ARHGEF3: variants seen among roughly 807,000 people sequenced by gnomAD.
ARHGEF3 encodes 59.8 kDA protein.
A neutral mutation model predicts 63.2 loss-of-function variants in ARHGEF3; 28 were observed. The ratio of observed to expected loss-of-function variants is 0.44; its 90% CI spans 0.33 to 0.61. ARHGEF3 has a LOEUF of 0.61. Ranked by LOEUF, ARHGEF3 falls within the 20% of genes least tolerant of loss-of-function variation. ARHGEF3 has a pLI of 0.03. For missense variants in ARHGEF3, 533 were observed against 659.3 expected (o/e 0.81, Z 2.10); for synonymous variants, 266 against 254.2 (o/e 1.05, Z -0.44).
At position 56,791,387 on chromosome 3, in the gene ARHGEF3, G is replaced by T. The variant is rs141891658; in HGVS notation, c.96+10316C>A. Among the ~76,000 whole-genome samples, 445 of 152,228 alleles carry T rather than the reference G, an allele frequency of 2.9e-3. 2 individuals are homozygous for T. Among genetic ancestry groups the T allele is most frequent in the Middle Eastern group, 0.024 (7 of 294 alleles). On this transcript the variant is annotated intron_variant, in intron 1 of 9. Coordinates refer to ENST00000296315, the MANE Select transcript of ARHGEF3 (RefSeq NM_019555.3). ...GAACCTGAGAGGTTAAGGCTGCAGT[G>T]AGCCATGATTGTGCCACTGCACTCC...
rs12054128 is a variant in ARHGEF3, at chr3:56,994,741, A to G, written c.63-35852T>C. Among the ~76,000 whole-genome samples, 79 of 152,290 alleles carry G rather than the reference A, an allele frequency of 5.2e-4. 2 individuals carry two copies. The East Asian group carries it at 0.013, about 25-fold the overall frequency. On this transcript the variant is annotated intron_variant, in intron 2 of 12. Transcript: ENST00000338458. ...CCCACACTCCCCCGAATCCAGGACA[A>G]TAGAAGAAAATACAAGATGCGGCAG...
At chr3:57,005,137 G>A (rs547876529) in intron 2 of ARHGEF3, among the ~76,000 whole-genome samples, 2 of 152,242 alleles carry the variant, frequency 1.3e-5, no homozygotes, top group African/African-American at 4.8e-5. Context: ...ATTCTACTAG[G>A]CACCTCCTAG....
chr3:56,845,872 C>G lies in ARHGEF3; in HGVS notation c.192+36420G>C, dbSNP rs138938839. ...CTGGTAGAACACAAACAGACCACACCGAAGTTGTGCTTGCATGTGGCAAAG... is the reference window on the plus strand; with the variant it reads ...CTGGTAGAACACAAACAGACCACACGGAAGTTGTGCTTGCATGTGGCAAAG... On this transcript the variant is annotated intron_variant, in intron 4 of 12. Transcript: ENST00000338458. Among the ~76,000 whole-genome samples the G allele has an allele frequency of 7.7e-3, 1,173 of 152,272 alleles. 19 individuals are homozygous for G. Among genetic ancestry groups the G allele is most frequent in the African/African-American group, 0.026 (1,100 of 41,540 alleles).
chr3:56,785,051 C>T (rs898805476), intron 1 of ARHGEF3, among the ~76,000 whole-genome samples: 2 of 152,144 alleles, frequency 1.3e-5, no homozygotes, highest in Non-Finnish European at 2.9e-5. Flanking sequence ...CTCTGCCAGC[C>T]TGCGCCCCTG....
intron 2 of ARHGEF3, among the ~76,000 whole-genome samples, chr3:56,968,334 A>ATATAAAAT: frequency 1.8e-5 from 1 of 56,824 alleles, no homozygotes; most frequent in South Asian, 4.3e-4. Context: ...ATATATATAT[A>ATATAAAAT]ATATATAATA....
rs762296145 is a variant in ARHGEF3, at chr3:57,073,835, CCA to C, written c.-28+5389_-28+5390del. ...CATCCACCCAACATCCCAACAAACCCCACTGTGCACTGGCATCATGCCAGGGT... is the reference window on the plus strand; with the variant it reads ...CATCCACCCAACATCCCAACAAACCCCTGTGCACTGGCATCATGCCAGGGT... On this transcript the variant is annotated intron_variant, in intron 1 of 12. Coordinates refer to the ARHGEF3 transcript ENST00000338458. 14 of 1,614,120 alleles carry C rather than the reference CCA, an allele frequency of 8.7e-6. No homozygotes were observed. In the Admixed American group the frequency reaches 2.3e-4, roughly 27 times the overall value.
chr3:56,761,818 A>G (rs935935971), intron 2 of ARHGEF3, among the ~76,000 whole-genome samples: 13 of 152,162 alleles, frequency 8.5e-5, no homozygotes, highest in African/African-American at 3.1e-4. Context: ...CAGAATGACA[A>G]TCCAAGTCTG....
chr3:57,028,106 A>C (rs932552968), intron 2 of ARHGEF3, among the ~76,000 whole-genome samples: 3 of 150,960 alleles, frequency 2.0e-5, no homozygotes, highest in Non-Finnish European at 4.4e-5. Context: ...ACTGTAAACT[A>C]GTTCAACCAT....
Position 56,892,082 on chromosome 3 carries a change from C to T in ARHGEF3, c.130-9728G>A, listed in dbSNP as rs1297030222. Among the ~76,000 whole-genome samples, 6 of 152,138 alleles carry T rather than the reference C, an allele frequency of 3.9e-5. No individual in the cohort carries two copies. In the East Asian group the frequency reaches 1.2e-3, roughly 29 times the overall value. ...GGAGACCTAGCCAGCCTGACAGTGC[C>T]ACCACCAACCCTGATGGCTAACAAG... On this transcript the variant is annotated intron_variant, in intron 3 of 12. Transcript: ENST00000338458.
At chr3:56,984,082 T>C (rs1218909493) in intron 2 of ARHGEF3, among the ~76,000 whole-genome samples, 3 of 152,116 alleles carry the variant, frequency 2.0e-5, no homozygotes, top group Non-Finnish European at 4.4e-5. Context: ...ATTCCAGATC[T>C]AGTGTTTAAA....
intron 3 of ARHGEF3, among the ~76,000 whole-genome samples, chr3:56,935,870 A>C (rs2108405962): frequency 6.6e-6 from 1 of 152,318 alleles, no homozygotes; most frequent in Middle Eastern, 3.4e-3. Context: ...ACTTGATATG[A>C]TTATTTAAGT....
chr3:56,877,987 G>A (rs2040645970), intron 4 of ARHGEF3, among the ~76,000 whole-genome samples: 1 of 152,156 alleles, frequency 6.6e-6, no homozygotes, highest in Admixed American at 6.5e-5. Flanking sequence ...ATGTAGCTAT[G>A]GCTTTGAGGT....
chr3:56,790,275 C>T (rs1643977306), intron 1 of ARHGEF3, among the ~76,000 whole-genome samples: 1 of 152,206 alleles, frequency 6.6e-6, no homozygotes, highest in Admixed American at 6.5e-5. Flanking sequence ...TAAGAGAATG[C>T]AACATGTCTT....
intron 2 of ARHGEF3, among the ~76,000 whole-genome samples, chr3:57,004,616 C>T (rs79289448): frequency 0.016 from 2,437 of 152,334 alleles, 74 homozygotes; most frequent in African/African-American, 0.056. Flanking sequence ...CAACATGTCA[C>T]AGAGTCTTAC....
intron 3 of ARHGEF3, 64 bp from the exon 4 acceptor site, chr3:56,753,630 G>C (rs2034900204): frequency 2.7e-6 from 4 of 1,462,782 alleles, no homozygotes; most frequent in South Asian, 1.2e-5. Flanking sequence ...TATTCAAATA[G>C]TGCTGGCTCC....
intron 3 of ARHGEF3, among the ~76,000 whole-genome samples, chr3:56,914,133 TGA>T (rs762629741): frequency 6.6e-6 from 1 of 151,598 alleles, no homozygotes; most frequent in Non-Finnish European, 1.5e-5. Context: ...AGGGGAAGGG[TGA>T]GAGAGGAGTG....
At chr3:56,802,974 C>T (rs1187955209), upstream of ARHGEF3, among the ~76,000 whole-genome samples, 1 of 152,064 alleles carries the variant, frequency 6.6e-6, no homozygotes, top group South Asian at 2.1e-4. Context: ...GTATTAGACT[C>T]AGTTTAAAAA....
intron 2 of ARHGEF3, among the ~76,000 whole-genome samples, chr3:57,004,186 C>A (rs1332934300): frequency 6.6e-6 from 1 of 152,218 alleles, no homozygotes; most frequent in African/African-American, 2.4e-5. Flanking sequence ...ACACACAGGA[C>A]CCTGACCTTC....
intron 7 of ARHGEF3, among the ~76,000 whole-genome samples, chr3:56,737,793 G>A (rs983242397): frequency 6.6e-6 from 1 of 152,156 alleles, no homozygotes; most frequent in Non-Finnish European, 1.5e-5. Flanking sequence ...ACAATTAATA[G>A]CTTCAACGTC....
Sources: allele counts gnomAD v4.1 joint callset (sites outside exome capture counted in the v4.1 genomes callset), GRCh38; gene constraint gnomAD v4.1.1; transcripts MANE v1.5; gene names NCBI Gene and HGNC (gene_info 2026-07-23, HGNC 2026-07-21).